MRPS6: variants seen among roughly 807,000 people sequenced by gnomAD.
MRPS6 encodes the protein small ribosomal subunit protein bS6m.
Under a neutral mutation model 13.1 loss-of-function variants are expected in MRPS6, and 6 were observed. The ratio of observed to expected loss-of-function variants is 0.46; its 90% confidence interval spans 0.25 to 0.91. The LOEUF is 0.91. MRPS6 is among the 40% of genes least tolerant of loss of function. The probability of loss-of-function intolerance (pLI) is 0.18; values close to 1 mark genes in which losing one functional copy is unlikely to be tolerated. For synonymous variants in MRPS6, 61 were observed against 56.5 expected, an observed-to-expected ratio of 1.08 and a Z score of -0.36; for missense variants, 164 against 155.6, an observed-to-expected ratio of 1.05 and a Z score of -0.29.
intron 1 of MRPS6, among the ~76,000 whole-genome samples, chr21:34,113,036 T>C (rs9979251): frequency 0.024 from 3,668 of 152,112 alleles, 156 homozygotes; most frequent in African/African-American, 0.082. Flanking sequence ...AAAAACCACA[T>C]TGAGATATCA....
At chr21:34,104,937 A>T in intron 1 of MRPS6, 1 of 999,980 alleles carries the variant, frequency 1.0e-6, no homozygotes, top group Non-Finnish European at 1.2e-6. Context: ...AACTGCTTTA[A>T]TTAGCCTAGG....
At chr21:34,109,184 A>G (rs1320824852) in intron 1 of MRPS6, among the ~76,000 whole-genome samples, 1 of 152,042 alleles carries the variant, frequency 6.6e-6, no homozygotes, top group Admixed American at 6.6e-5. Context: ...TCATCTCTGA[A>G]GGTACTGTCG....
Position 34,073,649 on chromosome 21 carries a change from C to T in MRPS6, c.-52C>T. 2.7e-6 allele frequency: 4 copies of T among 1,489,374 alleles called. No homozygotes were observed. Among genetic ancestry groups the T allele is most frequent in the South Asian group, 2.3e-5 (2 of 85,140 alleles). 92.3% of individuals were successfully genotyped at this position (1,489,374 alleles called of 1,614,324 possible). On this transcript the variant is annotated 5_prime_UTR_variant, in exon 1 of 3. Transcript: ENST00000399312. Reference sequence around the variant, plus strand: ...CACTGTCCCCGCCGTCCCGCCCCTTCGCGTCCCGGGAACCGGCTGGCTTCC... The same window carrying T: ...CACTGTCCCCGCCGTCCCGCCCCTTTGCGTCCCGGGAACCGGCTGGCTTCC...
intron 1 of MRPS6, among the ~76,000 whole-genome samples, chr21:34,116,268 G>C (rs551154191): frequency 6.7e-6 from 1 of 148,562 alleles, no homozygotes; most frequent in Non-Finnish European, 1.5e-5. Flanking sequence ...GGCTGGTCTC[G>C]AACTCCTGGG....
intron 1 of MRPS6, among the ~76,000 whole-genome samples, chr21:34,091,872 A>G (rs1389328298): frequency 3.3e-5 from 5 of 152,170 alleles, no homozygotes; most frequent in African/African-American, 7.2e-5. Flanking sequence ...TAAGAAAAAA[A>G]TGGACTACCA....
rs1036993179 is a variant in MRPS6 at position 34,096,921 on chromosome 21, T to C, written c.45+23176T>C. On this transcript the variant is annotated intron_variant, in intron 1 of 2. Coordinates refer to ENST00000399312, the MANE Select transcript of MRPS6 (RefSeq NM_032476.4). This position sits in a 1 kb window ranked among gnomAD's most constrained non-coding sequence, Gnocchi z 5.9. ...AATGCAAGAAAAGAGCATTCTGAGA[T>C]GCAGTGAGAATAATGAGACCATCAA... 1.9e-6 allele frequency: 3 copies of C among 1,613,934 alleles called. No homozygotes were observed. The African/African-American group carries it at 4.0e-5, about 22-fold the overall frequency.
At chr21:34,093,917 A>T (rs192594015) in intron 1 of MRPS6, among the ~76,000 whole-genome samples, 105 of 152,260 alleles carry the variant, frequency 6.9e-4, no homozygotes, top group Non-Finnish European at 1.0e-3. Context: ...TTTGGCGGAC[A>T]TAATAATAAA....
intron 2 of MRPS6, among the ~76,000 whole-genome samples, chr21:34,128,925 C>A (rs1980403837): frequency 6.6e-6 from 1 of 152,156 alleles, no homozygotes; most frequent in African/African-American, 2.4e-5. Flanking sequence ...GGTGCATGAC[C>A]TGGAGCTGGG....
intron 2 of MRPS6, among the ~76,000 whole-genome samples, chr21:34,131,646 C>A (rs955182262): frequency 6.6e-6 from 1 of 152,156 alleles, no homozygotes; most frequent in South Asian, 2.1e-4. Flanking sequence ...GCCCCACCAC[C>A]CCACACAGGT....
At chr21:34,132,487 A>G (rs935872494) in intron 2 of MRPS6, among the ~76,000 whole-genome samples, 1 of 152,258 alleles carries the variant, frequency 6.6e-6, no homozygotes, top group African/African-American at 2.4e-5. Flanking sequence ...CAGAGCAGTT[A>G]GGAGGGTGAA....
At chr21:34,104,973 T>C in intron 1 of MRPS6, 1 of 999,584 alleles carries the variant, frequency 1.0e-6, no homozygotes, top group Non-Finnish European at 1.2e-6. Flanking sequence ...GCAGTGTAAA[T>C]ATGTATAATT....
intron 1 of MRPS6, among the ~76,000 whole-genome samples, chr21:34,117,866 C>T (rs1602953554): frequency 6.6e-6 from 1 of 152,088 alleles, no homozygotes; most frequent in East Asian, 1.9e-4. Context: ...CATAAAGATG[C>T]GTGATGTTTT....
At chr21:34,095,840 G>A in intron 1 of MRPS6, 1 of 1,614,054 alleles carries the variant, frequency 6.2e-7, no homozygotes, top group South Asian at 1.1e-5. Context: ...AGGAAGTTAA[G>A]AGAAGGTACA....
intron 1 of MRPS6, among the ~76,000 whole-genome samples, chr21:34,076,046 C>T (rs896335333): frequency 1.3e-5 from 2 of 152,202 alleles, no homozygotes; most frequent in African/African-American, 4.8e-5. Flanking sequence ...GTGTATACCT[C>T]TTTACCCCTT....
intron 1 of MRPS6, among the ~76,000 whole-genome samples, chr21:34,092,757 C>T (rs966760601): frequency 3.3e-5 from 5 of 152,180 alleles, no homozygotes; most frequent in Admixed American, 6.5e-5. Context: ...ACATAACCCA[C>T]CCTATTTCCC....
intron 1 of MRPS6, among the ~76,000 whole-genome samples, chr21:34,082,692 A>G (rs1294595146): frequency 1.3e-5 from 2 of 152,212 alleles, no homozygotes; most frequent in Non-Finnish European, 2.9e-5. Context: ...TTGTGTTTCC[A>G]TAAAATAGAA....
intron 1 of MRPS6, among the ~76,000 whole-genome samples, chr21:34,121,592 TGAA>T (rs760041433): frequency 5.1e-4 from 77 of 152,102 alleles, no homozygotes; most frequent in Non-Finnish European, 9.1e-4. Context: ...AGGAAAGAGT[TGAA>T]GGAGTTGCTT....
intron 1 of MRPS6, chr21:34,103,905 C>A: frequency 2.0e-6 from 2 of 1,000,052 alleles, no homozygotes; most frequent in Non-Finnish European, 2.4e-6. Context: ...GAAATAGGGA[C>A]AGATGTCTAG....
In MRPS6 at chr21:34,096,749, A is replaced by T; in HGVS notation, c.45+23004A>T. 2 of 1,613,988 alleles carry T rather than the reference A, an allele frequency of 1.2e-6. No homozygotes were observed. Among genetic ancestry groups the T allele is most frequent in the Non-Finnish European group, 1.7e-6 (2 of 1,179,976 alleles). Reference sequence around the variant, plus strand: ...TCCATTATATGTATGTGGCCACAGGATTGTTTTGGGTCACGGGACTCATTA... The same window carrying T: ...TCCATTATATGTATGTGGCCACAGGTTTGTTTTGGGTCACGGGACTCATTA... On this transcript the variant is annotated intron_variant, in intron 1 of 2. Transcript: ENST00000399312. This position sits in a 1 kb window ranked among gnomAD's most constrained non-coding sequence, Gnocchi z 5.9.
Sources: gnomAD v4.1 joint callset for allele counts (sites outside exome capture counted in the v4.1 genomes callset) on GRCh38, gnomAD v4.1.1 for gene constraint, Gnocchi (gnomAD v3.1) non-coding constraint, MANE v1.5 for transcripts, NCBI Gene and HGNC (gene_info 2026-07-23, HGNC 2026-07-21) for gene names.